NELL1: variants seen among roughly 807,000 people sequenced by gnomAD.
NELL1 encodes neural EGFL like 1, also known as protein kinase C-binding protein NELL1.
A neutral mutation model predicts 107.4 loss-of-function variants in NELL1; 76 were observed. That is an observed-to-expected ratio of 0.71 (90% CI 0.59 to 0.86). The LOEUF is 0.86. NELL1 is among the 40% of genes least tolerant of loss of function. NELL1 has a pLI of 0.00. For missense variants in NELL1, 1,024 were observed against 1,005.5 expected, an observed-to-expected ratio of 1.02 and a Z score of -0.25; for synonymous variants, 353 against 341.2, an observed-to-expected ratio of 1.03 and a Z score of -0.38.
rs1159717011 is a variant in NELL1, at chr11:21,509,641, T to C, written c.1646-24733T>C. 2.0e-5 allele frequency among the ~76,000 whole-genome samples: 3 copies of C among 152,318 alleles called. No individual in the cohort carries two copies. In the East Asian group the frequency reaches 5.8e-4, roughly 29 times the overall value. ...AGGTAAAATTACACTATATGTTATT[T>C]AGGGATTCATACATAAAGAAATACA... On this transcript the variant is annotated intron_variant, in intron 15 of 19. Coordinates refer to ENST00000357134, the MANE Select transcript of NELL1 (RefSeq NM_006157.5).
intron 11 of NELL1, among the ~76,000 whole-genome samples, chr11:20,959,010 C>G (rs1467465811): frequency 2.0e-5 from 3 of 152,184 alleles, no homozygotes. Flanking sequence ...TGGCATTTTA[C>G]TCACTGGAAT....
At chr11:21,322,695 C>A (rs72953405) in intron 14 of NELL1, among the ~76,000 whole-genome samples, 3,979 of 152,170 alleles carry the variant, frequency 0.026, 81 homozygotes, top group African/African-American at 0.055. Context: ...AACCCACTAG[C>A]TGAGCCTGGT....
At chr11:21,376,635 T>C (rs1219166399) in intron 15 of NELL1, among the ~76,000 whole-genome samples, 1 of 152,134 alleles carries the variant, frequency 6.6e-6, no homozygotes, top group African/African-American at 2.4e-5. Context: ...GTAGGTTGCT[T>C]TGGGCAGTAT....
At chr11:20,755,559 T>TTTTTATTTATTTA in intron 2 of NELL1, among the ~76,000 whole-genome samples, 1 of 17,686 alleles carries the variant, frequency 5.7e-5, no homozygotes, top group South Asian at 3.6e-3. Context: ...TGTTTTTGTT[T>TTTTTATTTATTTA]TTGTTTTTTT....
chr11:20,764,797 G>C (rs1346288718), intron 2 of NELL1, among the ~76,000 whole-genome samples: 1 of 152,038 alleles, frequency 6.6e-6, no homozygotes, highest in East Asian at 1.9e-4. Context: ...CTACACGTGA[G>C]AGTCAGGTAT....
At chr11:20,771,565 G>C (rs1326406059) in intron 2 of NELL1, among the ~76,000 whole-genome samples, 3 of 152,140 alleles carry the variant, frequency 2.0e-5, no homozygotes, top group Non-Finnish European at 4.4e-5. Context: ...GGGAAGCCTA[G>C]ATTCCTGATA....
chr11:20,716,502 A>G (rs905673359), intron 2 of NELL1, among the ~76,000 whole-genome samples: 23 of 152,280 alleles, frequency 1.5e-4, no homozygotes, highest in African/African-American at 5.5e-4. Flanking sequence ...TCCTTTATCA[A>G]CCTTGCCAGA....
intron 2 of NELL1, among the ~76,000 whole-genome samples, chr11:20,692,939 T>A (rs1338186126): frequency 2.0e-5 from 3 of 152,088 alleles, no homozygotes; most frequent in Non-Finnish European, 4.4e-5. Context: ...TTGTGGGTCA[T>A]TCAGGACTTG....
intron 15 of NELL1, among the ~76,000 whole-genome samples, chr11:21,489,380 C>CAGAAAAAAA (rs1491301138): frequency 4.2e-5 from 2 of 47,800 alleles, no homozygotes; most frequent in Non-Finnish European, 8.1e-5. Context: ...GAAAGTATTT[C>CAGAAAAAAA]AAAAAAAAAA....
At chr11:21,013,701 G>A (rs1198049319) in intron 12 of NELL1, among the ~76,000 whole-genome samples, 2 of 152,100 alleles carry the variant, frequency 1.3e-5, no homozygotes, top group Non-Finnish European at 2.9e-5. Context: ...GCTTAGTACA[G>A]TACTTAGTTA....
chr11:20,951,268 C>T (rs1851064061), intron 11 of NELL1, among the ~76,000 whole-genome samples: 1 of 152,218 alleles, frequency 6.6e-6, no homozygotes, highest in South Asian at 2.1e-4. Context: ...CTTATTTCCT[C>T]AAGTTATAGC....
At chr11:21,135,119 G>A (rs889264437) in intron 13 of NELL1, among the ~76,000 whole-genome samples, 9 of 152,116 alleles carry the variant, frequency 5.9e-5, no homozygotes, top group African/African-American at 9.7e-5. Flanking sequence ...GGAAAAGCAC[G>A]CTATCACCTT....
intron 2 of NELL1, among the ~76,000 whole-genome samples, chr11:20,704,400 C>G (rs952647553): frequency 5.3e-5 from 8 of 152,152 alleles, no homozygotes; most frequent in Admixed American, 3.3e-4. Flanking sequence ...ATGTGTGTCT[C>G]TGCTGGTGAG....
intron 2 of NELL1, among the ~76,000 whole-genome samples, chr11:20,702,244 C>G (rs1253029344): frequency 6.6e-6 from 1 of 152,060 alleles, no homozygotes; most frequent in East Asian, 1.9e-4. Context: ...AAATTGGATT[C>G]CTAGGTATTT....
chr11:20,884,732 A>C (rs1371202171), intron 4 of NELL1, among the ~76,000 whole-genome samples: 1 of 152,206 alleles, frequency 6.6e-6, no homozygotes, highest in Non-Finnish European at 1.5e-5. Flanking sequence ...GGATCAGATG[A>C]GGATTTTCTT....
At chr11:21,159,599 T>A (rs1856317053) in intron 13 of NELL1, among the ~76,000 whole-genome samples, 1 of 152,190 alleles carries the variant, frequency 6.6e-6, no homozygotes, top group Non-Finnish European at 1.5e-5. Context: ...TCCCAAGAGC[T>A]AAAGATCCTG....
intron 14 of NELL1, among the ~76,000 whole-genome samples, chr11:21,250,266 A>C (rs1166505826): frequency 6.6e-6 from 1 of 152,164 alleles, no homozygotes; most frequent in Non-Finnish European, 1.5e-5. Context: ...ATTTAACATA[A>C]ACCTGATTTG....
chr11:21,473,802 C>T (rs1216086019), intron 15 of NELL1, among the ~76,000 whole-genome samples: 1 of 152,024 alleles, frequency 6.6e-6, no homozygotes, highest in Non-Finnish European at 1.5e-5. Flanking sequence ...ATTGGAGTCA[C>T]ACCAGGGAAT....
chr11:21,527,323 T>G (rs1489631144), intron 15 of NELL1, among the ~76,000 whole-genome samples: 1 of 152,186 alleles, frequency 6.6e-6, no homozygotes, highest in Non-Finnish European at 1.5e-5. Context: ...AGTTTCAAAC[T>G]TTCCCGTATC....
Sources: allele counts gnomAD v4.1 joint callset (sites outside exome capture counted in the v4.1 genomes callset), GRCh38; gene constraint gnomAD v4.1.1; transcripts MANE v1.5; gene names NCBI Gene and HGNC (gene_info 2026-07-23, HGNC 2026-07-21).